SPEG: variants seen among roughly 807,000 people sequenced by gnomAD.
SPEG encodes the protein striated muscle preferentially expressed protein kinase.
In SPEG, 114 loss-of-function variants were observed where a neutral mutation model predicts 300.4. The ratio of observed to expected loss-of-function variants is 0.38; its 90% CI spans 0.33 to 0.44. SPEG has a LOEUF of 0.44. SPEG is among the 20% of genes least tolerant of loss of function. The pLI is 1.00. For missense variants in SPEG, 4,201 were observed against 4,586.2 expected (o/e 0.92, Z 2.43); for synonymous variants, 1,964 against 2,018.9 (o/e 0.97, Z 0.73).
At position 219,459,155 on chromosome 2, in the gene SPEG, G is replaced by T. The variant is rs1169270963; in HGVS notation, c.2441-2727G>T. Among the ~76,000 whole-genome samples, 1 of 152,244 alleles carries T rather than the reference G, an allele frequency of 6.6e-6. No individual in the cohort carries two copies. Among genetic ancestry groups the T allele is most frequent in the Non-Finnish European group, 1.5e-5 (1 of 68,044 alleles). On this transcript the variant is annotated intron_variant, in intron 6 of 40. Coordinates refer to ENST00000312358, the MANE Select transcript of SPEG (RefSeq NM_005876.5). The surrounding 1 kb of genome is among the most constrained non-coding windows in gnomAD (Gnocchi z 4.9). ...ACATGAGCATGGGGTCAGCGTGGGG[G>T]ATTGGGAGCCAGTGTGAAGGGGCGG...
intron 9 of SPEG, chr2:219,465,946 C>CGT (rs1319711280): frequency 2.3e-6 from 2 of 883,844 alleles, no homozygotes; most frequent in Admixed American, 2.1e-5. Context: ...TGCACGTGTG[C>CGT]GTGCATGTGT....
Position 219,438,650 on chromosome 2 carries a change from C to A in SPEG, c.388+3285C>A, listed in dbSNP as rs192162173. On this transcript the variant is annotated intron_variant, in intron 1 of 40. Coordinates refer to ENST00000312358, the MANE Select transcript of SPEG (RefSeq NM_005876.5). ...CGTGTGTGGCTGAAGAGCAGACCTG[C>A]ACTAAAGGGCAGAGGGGAAGCAGGA... 8.5e-5 allele frequency among the ~76,000 whole-genome samples: 13 copies of A among 152,294 alleles called. No homozygotes were observed. The East Asian group carries it at 2.5e-3, about 29-fold the overall frequency.
chr2:219,451,422 G>T lies in SPEG; in HGVS notation c.2257+143G>T, dbSNP rs1249133719. 7 of 1,268,626 alleles carry T rather than the reference G, an allele frequency of 5.5e-6. No individual in the cohort carries two copies. The highest frequency in any genetic ancestry group is 2.1e-6 in the Non-Finnish European group (2 of 946,228). The allele number at this position is 1,268,626 out of a possible 1,614,324, so 78.6% of individuals were successfully genotyped here. A position where few individuals can be genotyped will look rare whatever the true frequency, so the allele number is the denominator to read the frequency against. ...CTCCACGGGGGCTGCCCTGACTTGGGTGTGTGTTCAGGGACATTTCTCAGG... is the reference window on the plus strand; with the variant it reads ...CTCCACGGGGGCTGCCCTGACTTGGTTGTGTGTTCAGGGACATTTCTCAGG... On this transcript the variant is annotated intron_variant, in intron 5 of 40. Transcript: ENST00000312358. This position sits in a 1 kb window ranked among gnomAD's most constrained non-coding sequence, Gnocchi z 6.4.
At chr2:219,466,476 G>T (rs1691371523) in intron 9 of SPEG, 1 of 1,171,042 alleles carries the variant, frequency 8.5e-7, no homozygotes. Flanking sequence ...CTGAGGTGGG[G>T]TGAGACAGAG....
intron 9 of SPEG, chr2:219,465,946 CGTGCAT>C (rs1559391232): frequency 1.2e-4 from 107 of 883,720 alleles, no homozygotes; most frequent in Middle Eastern, 2.3e-4. Flanking sequence ...TGCACGTGTG[CGTGCAT>C]GTGTGCGTGT....
rs113853448 is a variant in SPEG, at chr2:219,483,098, C to T, written c.5635C>T (p.Arg1879Cys). Residue 1879 changes from arginine (R) to cysteine (C), a missense_variant and splice_region_variant, in exon 30 of 41, where the codon CGC becomes TGC. Physicochemically the swap from Arg to Cys is radical, Grantham distance 180 (BLOSUM62 -3). Around this residue, in one of 4 missense-constraint regions of SPEG, gnomAD observed 1,578 missense variants for 1,506.0 expected, o/e 1.05. Coordinates refer to ENST00000312358, the MANE Select transcript of SPEG (RefSeq NM_005876.5). ...TCTGACTCCAGTACCCTGTCTCCAG[C>T]GCTCCCAGATCAGCTACAAATGCCA... ...KLFLSRRRWQ[R>C]SQISYKCHLV... 1.5e-4 allele frequency: 237 copies of T among 1,604,308 alleles called. 1 individual carries two copies. The highest frequency in any genetic ancestry group is 9.9e-4 in the Middle Eastern group (6 of 6,050).
Position 219,435,186 on chromosome 2 carries a change from C to A in SPEG, c.209C>A (p.Pro70His), listed in dbSNP as rs1395368339. 1 of 1,481,556 alleles carries A rather than the reference C, an allele frequency of 6.7e-7. No individual in the cohort carries two copies. The highest frequency in any genetic ancestry group is 1.3e-5 in the South Asian group (1 of 77,516). The allele number at this position is 1,481,556 out of a possible 1,614,324, so 91.8% of individuals were successfully genotyped here. Residue 70 changes from proline (P) to histidine (H), a missense_variant, in exon 1 of 41, where the codon CCC (proline) becomes CAC (histidine). Physicochemically the swap from Pro to His is moderately conservative, Grantham distance 77. This residue lies in a region of SPEG where 1,258 missense variants were observed against 1,293.9 expected (regional missense o/e 0.97). Transcript: ENST00000312358. ...VRLRVVVSGTPQPSLRWFRDG... is the reference protein window; with the variant it reads ...VRLRVVVSGTHQPSLRWFRDG... ...CTGCGGGTGGTGGTGAGCGGGACGC[C>A]CCAGCCCAGCCTCCGCTGGTTCCGG...
Position 219,489,613 on chromosome 2 carries a change from C to T in SPEG, c.8595C>T (p.Thr2865=), listed in dbSNP as rs199986192. 2 of 1,613,842 alleles carry T rather than the reference C, an allele frequency of 1.2e-6. No individual in the cohort carries two copies. The highest frequency in any genetic ancestry group is 2.7e-5 in the African/African-American group (2 of 75,012). Residue 2865 remains threonine, a synonymous_variant, in exon 36 of 41, where the codon ACC becomes ACT. Transcript: ENST00000312358. ...CAGCGGAGCCCACCCTACCCAGTAC[C>T]CACGTCACCCCAAGTGAGCCCAAGC... ...ARPAEPTLPS[T]HVTPSEPKPF...
chr2:219,477,735 T>A lies in SPEG; in HGVS notation c.4776T>A (p.His1592Gln), dbSNP rs775493186. 1.2e-6 allele frequency: 2 copies of A among 1,608,512 alleles called. No individual in the cohort carries two copies. Among genetic ancestry groups the A allele is most frequent in the South Asian group, 2.2e-5 (2 of 90,190 alleles). The change falls in exon 21 of 41, where the codon CAT becomes CAA. Residue 1592 changes from histidine to glutamine, a missense_variant. His to Gln is a conservative substitution (Grantham distance 24, BLOSUM62 0). Around this residue, in one of 4 missense-constraint regions of SPEG, gnomAD observed 1,047 missense variants for 1,356.8 expected, o/e 0.77. Coordinates refer to ENST00000312358, the MANE Select transcript of SPEG (RefSeq NM_005876.5). The surrounding 1 kb of genome is among the most constrained non-coding windows in gnomAD (Gnocchi z 6.4). ...AGGGGGTCGGGGAGGATGAGGACCA[T>A]CGAGGAAGGAGACTCAGCGACTTTT... ...EVEGVGEDED[H>Q]RGRRLSDFYD...
At chr2:219,455,536 C>G (rs1259896747) in intron 6 of SPEG, among the ~76,000 whole-genome samples, 1 of 152,144 alleles carries the variant, frequency 6.6e-6, no homozygotes, top group African/African-American at 2.4e-5. Context: ...GGATGGTCAG[C>G]TCTAGGAGCT....
At position 219,460,358 on chromosome 2, in the gene SPEG, C is replaced by T. The variant is rs950953189; in HGVS notation, c.2441-1524C>T. 1.6e-5 allele frequency: 16 copies of T among 985,298 alleles called. No individual in the cohort carries two copies. The Admixed American group carries it at 3.1e-4, about 19-fold the overall frequency. 61.0% of individuals were successfully genotyped at this position (985,298 alleles called of 1,614,324 possible). ...CTGTAGTATTTGAGGCTCGTTAGCGCATTCCCCGGTCAGGGATCTTGGTGG... is the reference window on the plus strand; with the variant it reads ...CTGTAGTATTTGAGGCTCGTTAGCGTATTCCCCGGTCAGGGATCTTGGTGG... On this transcript the variant is annotated intron_variant, in intron 6 of 40. Coordinates refer to ENST00000312358, the MANE Select transcript of SPEG (RefSeq NM_005876.5).
At chr2:219,442,662 G>A (rs1689011019) in intron 1 of SPEG, among the ~76,000 whole-genome samples, 1 of 111,052 alleles carries the variant, frequency 9.0e-6, no homozygotes, top group Non-Finnish European at 1.8e-5. Context: ...CCCCCAGCAG[G>A]AATCTGTGCC....
chr2:219,483,458 C>G lies in SPEG; in HGVS notation c.5995C>G (p.Pro1999Ala), dbSNP rs1348939456. The G allele has an allele frequency of 4.0e-6, 6 of 1,506,682 alleles. No homozygotes were observed. Among genetic ancestry groups the G allele is most frequent in the Admixed American group, 2.4e-5 (1 of 42,546 alleles). 93.3% of individuals were successfully genotyped at this position (1,506,682 alleles called of 1,614,324 possible). A position where few individuals can be genotyped will look rare whatever the true frequency, so the allele number is the denominator to read the frequency against. Reference protein sequence around the residue: ...PEALPSPGQEPAAGASPRRGE... With the variant: ...PEALPSPGQEAAAGASPRRGE... ...GGCCCTCCCCTCCCCAGGCCAGGAGCCCGCAGCTGGGGCTAGCCCCAGGCG... is the reference window on the plus strand; with the variant it reads ...GGCCCTCCCCTCCCCAGGCCAGGAGGCCGCAGCTGGGGCTAGCCCCAGGCG... The change falls in exon 30 of 41, where the codon CCC becomes GCC. Residue 1999 changes from proline (P) to alanine (A), a missense_variant. By Grantham distance (27) the Pro-to-Ala change is conservative. Coordinates refer to ENST00000312358, the MANE Select transcript of SPEG (RefSeq NM_005876.5).
At position 219,489,469 on chromosome 2, in the gene SPEG, C is replaced by T. The variant is rs753600434; in HGVS notation, c.8451C>T (p.Val2817=). The stretch of plus-strand genomic sequence containing the variant: ...CTGCTGCCCCCACACCCCCGTCAGT[C>T]ACTGTCAGCCCCTCATCTCCCCCCA... ...LAPAAPTPPS[V]TVSPSSPPTP... The change falls in exon 36 of 41, where the codon GTC becomes GTT. Residue 2817 remains valine, a synonymous_variant. Coordinates refer to ENST00000312358, the MANE Select transcript of SPEG (RefSeq NM_005876.5). The T allele has an allele frequency of 1.9e-6, 3 of 1,598,374 alleles. No homozygotes were observed. In the African/African-American group the frequency reaches 4.1e-5, roughly 22 times the overall value.
At chr2:219,450,773 C>A in intron 4 of SPEG, 1 of 170,410 alleles carries the variant, frequency 5.9e-6, no homozygotes, top group Non-Finnish European at 1.2e-5. Context: ...AAGCTTGTGC[C>A]CCTCCAGGTG....
intron 36 of SPEG, 58 bp from the exon 37 acceptor site, chr2:219,490,351 A>G (rs1693847853): frequency 3.2e-6 from 5 of 1,571,352 alleles, no homozygotes; most frequent in Non-Finnish European, 3.5e-6. Flanking sequence ...AGCCCTCACT[A>G]TGGAAGTGTC....
At position 219,473,936 on chromosome 2, in the gene SPEG, C is replaced by G. The variant is rs753828803; in HGVS notation, c.4447+33C>G. The G allele has an allele frequency of 1.9e-6, 3 of 1,579,104 alleles. No individual in the cohort carries two copies. The highest frequency in any genetic ancestry group is 2.6e-6 in the Non-Finnish European group (3 of 1,163,850). The stretch of plus-strand genomic sequence containing the variant: ...ACAGCGGGCCTTCTTCCTAGCCTCC[C>G]TCCAAGGCCCAAAGCTCTCTACTCA... On this transcript the variant is annotated intron_variant, in intron 18 of 40. Coordinates refer to ENST00000312358, the MANE Select transcript of SPEG (RefSeq NM_005876.5). This position sits in a 1 kb window ranked among gnomAD's most constrained non-coding sequence, Gnocchi z 4.6.
chr2:219,466,066 C>A (rs957903244), intron 9 of SPEG: 18 of 1,603,976 alleles, frequency 1.1e-5, no homozygotes, highest in Non-Finnish European at 1.4e-5. Flanking sequence ...GGCGAGTGAG[C>A]TCAGGGGGCC....
intron 1 of SPEG, among the ~76,000 whole-genome samples, chr2:219,440,472 G>A (rs1281582259): frequency 6.6e-6 from 1 of 152,052 alleles, no homozygotes; most frequent in Non-Finnish European, 1.5e-5. Flanking sequence ...GAAAATGAGG[G>A]AGGTGCGCTG....
Sources: gnomAD v4.1 joint callset for allele counts (sites outside exome capture counted in the v4.1 genomes callset) on GRCh38, gnomAD v4.1.1 for gene constraint, gnomAD v4.1.1 regional missense constraint, Gnocchi (gnomAD v3.1) non-coding constraint, MANE v1.5 for transcripts, NCBI Gene and HGNC (gene_info 2026-07-23, HGNC 2026-07-21) for gene names.